TMLHE: variants seen among roughly 807,000 people sequenced by gnomAD.
TMLHE encodes trimethyllysine dioxygenase, mitochondrial.
Under a neutral mutation model 25.7 loss-of-function variants are expected in TMLHE, and 18 were observed. That is an observed-to-expected ratio of 0.70 (90% CI 0.48 to 1.04). TMLHE has a LOEUF of 1.04. Among genes scored for constraint, TMLHE ranks in the 50% least tolerant of loss-of-function variants. TMLHE has a pLI of 0.00. For missense variants in TMLHE, 236 were observed against 259.0 expected (o/e 0.91, Z 0.61); for synonymous variants, 105 against 97.0 (o/e 1.08, Z -0.49).
intron 1 of TMLHE, among the ~76,000 whole-genome samples, chrX:155,609,108 A>G: frequency 8.9e-6 from 1 of 112,144 alleles, no homozygotes; most frequent in East Asian, 2.8e-4. Flanking sequence ...TTACAACACT[A>G]TTCACAACAG....
chrX:155,585,617 C>T lies in TMLHE; in HGVS notation c.-2+27175G>A, dbSNP rs782170888. Among the ~76,000 whole-genome samples the T allele has an allele frequency of 2.7e-5, 3 of 111,577 alleles. No homozygotes were observed. In the South Asian group the frequency reaches 1.1e-3, roughly 42 times the overall value. ...ATTCCAACACAATAATAATGGGGAACTTTAACAGCCCACTCTCAGCATTAG... is the reference window on the plus strand; with the variant it reads ...ATTCCAACACAATAATAATGGGGAATTTTAACAGCCCACTCTCAGCATTAG... On this transcript the variant is annotated intron_variant, in intron 1 of 7. Coordinates refer to ENST00000334398, the MANE Select transcript of TMLHE (RefSeq NM_018196.4).
Position 155,569,941 on chromosome X carries a change from A to C in TMLHE, c.-1-24664T>G, listed in dbSNP as rs1193709204. Among the ~76,000 whole-genome samples the C allele has an allele frequency of 3.6e-5, 2 of 56,069 alleles. 1 individual carries two copies. The highest frequency in any genetic ancestry group is 8.6e-5 in the African/African-American group (2 of 23,289). 48.7% of individuals were successfully genotyped at this position (56,069 alleles called of 115,157 possible). A position where few individuals can be genotyped will look rare whatever the true frequency, so the allele number is the denominator to read the frequency against. On this transcript the variant is annotated intron_variant, in intron 1 of 7. Coordinates refer to ENST00000334398, the MANE Select transcript of TMLHE (RefSeq NM_018196.4). ...AACTGCATCAACTAACGAGCAAAAT[A>C]ACCAGCTAACATCATAATGACAGGA...
intron 2 of TMLHE, among the ~76,000 whole-genome samples, chrX:155,534,797 G>A (rs1163330921): frequency 9.0e-6 from 1 of 111,363 alleles, no homozygotes; most frequent in Non-Finnish European, 1.9e-5. Context: ...ATATGAATTT[G>A]GGGAATCTAT....
chrX:155,546,527 C>T lies in TMLHE; in HGVS notation c.-1-1250G>A, dbSNP rs188431996. ...ACTGGTGAGTGCCTGTGTGTGTGTGCGCGCATGCGTATGTGTGGGTATGTG... is the reference window on the plus strand; with the variant it reads ...ACTGGTGAGTGCCTGTGTGTGTGTGTGCGCATGCGTATGTGTGGGTATGTG... On this transcript the variant is annotated intron_variant, in intron 1 of 7. Transcript: ENST00000334398. 2.9e-3 allele frequency among the ~76,000 whole-genome samples: 319 copies of T among 110,372 alleles called. 1 individual carries two copies. The highest frequency in any genetic ancestry group is 0.01 in the African/African-American group (309 of 30,452).
At chrX:155,583,865 CA>C (rs1202122578) in intron 1 of TMLHE, among the ~76,000 whole-genome samples, 2 of 111,021 alleles carry the variant, frequency 1.8e-5, no homozygotes, top group Non-Finnish European at 3.8e-5. Context: ...GCACATTATT[CA>C]GGTGATGGTT....
chrX:155,555,650 G>A (rs1603058896), intron 1 of TMLHE, among the ~76,000 whole-genome samples: 2 of 111,070 alleles, frequency 1.8e-5, no homozygotes, highest in African/African-American at 6.6e-5. Flanking sequence ...ATTTTTTCAT[G>A]TGTCTGTTGG....
At chrX:155,548,449 C>T (rs1280825726) in intron 1 of TMLHE, among the ~76,000 whole-genome samples, 2 of 110,820 alleles carry the variant, frequency 1.8e-5, no homozygotes, top group Admixed American at 9.5e-5. Context: ...TAAAGACATC[C>T]TACAGGCTGG....
intron 2 of TMLHE, among the ~76,000 whole-genome samples, chrX:155,533,409 C>T (rs1473654237): frequency 9.0e-6 from 1 of 111,604 alleles, no homozygotes; most frequent in Non-Finnish European, 1.9e-5. Flanking sequence ...ATATATATCC[C>T]CCTATTGGTT....
Position 155,547,348 on chromosome X carries a change from G to T in TMLHE, c.-1-2071C>A, listed in dbSNP as rs963564136. Among the ~76,000 whole-genome samples the T allele has an allele frequency of 4.0e-4, 43 of 108,800 alleles. 2 individuals carry two copies. Among genetic ancestry groups the T allele is most frequent in the Non-Finnish European group, 7.1e-4 (37 of 52,234 alleles). 94.5% of individuals were successfully genotyped at this position (108,800 alleles called of 115,157 possible). ...TTTAGTAGAGACGGGGTTTCACCGT[G>T]TTAGCCAGGATGGTCTCGATCTCCT... On this transcript the variant is annotated intron_variant, in intron 1 of 7. Coordinates refer to ENST00000334398, the MANE Select transcript of TMLHE (RefSeq NM_018196.4).
intron 1 of TMLHE, among the ~76,000 whole-genome samples, chrX:155,609,227 G>A (rs1322168206): frequency 8.9e-6 from 1 of 111,958 alleles, no homozygotes; most frequent in African/African-American, 3.3e-5. Context: ...ATGAGATCAT[G>A]TCCTTGGCAA....
At chrX:155,512,596 C>G (rs989514816) in intron 4 of TMLHE, among the ~76,000 whole-genome samples, 13 of 110,952 alleles carry the variant, frequency 1.2e-4, no homozygotes, top group Non-Finnish European at 1.9e-4. Context: ...GGTTCCAAGT[C>G]TAACTTTATT....
rs1280483344 is a variant in TMLHE, at chrX:155,568,178, G to C, written c.-1-22901C>G. 6.5e-5 allele frequency among the ~76,000 whole-genome samples: 4 copies of C among 61,599 alleles called. 1 individual carries two copies. Among genetic ancestry groups the C allele is most frequent in the African/African-American group, 1.4e-4 (4 of 27,837 alleles). 53.5% of individuals were successfully genotyped at this position (61,599 alleles called of 115,157 possible). On this transcript the variant is annotated intron_variant, in intron 1 of 7. Coordinates refer to ENST00000334398, the MANE Select transcript of TMLHE (RefSeq NM_018196.4). Reference sequence around the variant, plus strand: ...AGGCTGAAAAAACGGCGCACCAGGAGATTATATCCCCCACATGGCTCAGAG... The same window carrying C: ...AGGCTGAAAAAACGGCGCACCAGGACATTATATCCCCCACATGGCTCAGAG...
chrX:155,594,564 A>G (rs782452363), intron 1 of TMLHE, among the ~76,000 whole-genome samples: 1 of 112,123 alleles, frequency 8.9e-6, no homozygotes, highest in Non-Finnish European at 1.9e-5. Context: ...GGTATAAGTA[A>G]TACAGTTACA....
At chrX:155,507,892 TTGAGAGC>T (rs1363916121) in intron 5 of TMLHE, among the ~76,000 whole-genome samples, 2 of 110,874 alleles carry the variant, frequency 1.8e-5, no homozygotes, top group African/African-American at 6.5e-5. Flanking sequence ...AAGAAAAATA[TTGAGAGC>T]TTGAACTCAG....
intron 2 of TMLHE, among the ~76,000 whole-genome samples, chrX:155,525,909 C>T (rs1240213224): frequency 1.8e-5 from 2 of 112,483 alleles, no homozygotes; most frequent in Non-Finnish European, 3.8e-5. Flanking sequence ...CTGCTTCTAA[C>T]AGTGTATGCT....
chrX:155,598,262 T>C (rs1460248239), intron 1 of TMLHE, among the ~76,000 whole-genome samples: 1 of 111,003 alleles, frequency 9.0e-6, no homozygotes, highest in African/African-American at 3.3e-5. Context: ...CGTATGTTTA[T>C]TGCGGCACTA....
chrX:155,540,846 T>C (rs2067305921), intron 2 of TMLHE, among the ~76,000 whole-genome samples: 1 of 110,591 alleles, frequency 9.0e-6, no homozygotes, highest in African/African-American at 3.3e-5. Flanking sequence ...TGAAGTAAAA[T>C]TGTCTGTATT....
At chrX:155,534,567 C>T (rs2067267505) in intron 2 of TMLHE, among the ~76,000 whole-genome samples, 1 of 111,258 alleles carries the variant, frequency 9.0e-6, no homozygotes, top group Admixed American at 9.6e-5. Context: ...GGGACTGTCT[C>T]TATTGTACCT....
At chrX:155,588,783 A>G (rs2067679094) in intron 1 of TMLHE, among the ~76,000 whole-genome samples, 2 of 112,049 alleles carry the variant, frequency 1.8e-5, no homozygotes, top group South Asian at 7.5e-4. Context: ...CCACAATGAG[A>G]TATAATCATA....
Sources: allele counts gnomAD v4.1 joint callset (sites outside exome capture counted in the v4.1 genomes callset), GRCh38; gene constraint gnomAD v4.1.1; transcripts MANE v1.5; gene names NCBI Gene and HGNC (gene_info 2026-07-23, HGNC 2026-07-21).